The following VAX2 variants were observed in gnomAD, a reference collection of about 807,000 sequenced individuals.
VAX2 encodes the protein ventral anterior homeobox 2.
In VAX2, 8 loss-of-function variants were observed where a neutral mutation model predicts 12.5. That is an observed-to-expected ratio of 0.64 (90% CI 0.37 to 1.15). VAX2 has a LOEUF of 1.15. Among genes scored for constraint, VAX2 ranks in the 50% most tolerant of loss-of-function variants. The probability of loss-of-function intolerance (pLI) is 0.01; values close to 1 mark genes in which losing one functional copy is unlikely to be tolerated. For missense variants in VAX2, 476 were observed against 412.9 expected, an observed-to-expected ratio of 1.15 and a Z score of -1.32; for synonymous variants, 183 against 187.6, an observed-to-expected ratio of 0.98 and a Z score of 0.20.
chr2:70,900,902 A>G, intron 1 of VAX2, 34 bp downstream of exon 1: 1 of 1,320,228 alleles, frequency 7.6e-7, no homozygotes, highest in South Asian at 2.0e-5. Context: ...GCTCCACTGG[A>G]CCCTCACCCT....
intron 1 of VAX2, among the ~76,000 whole-genome samples, chr2:70,903,047 TGA>T (rs1678968869): frequency 6.6e-6 from 1 of 152,212 alleles, no homozygotes; most frequent in East Asian, 1.9e-4. Flanking sequence ...GCTCAGGATG[TGA>T]TTTGCCACTA....
chr2:70,905,440 C>T (rs1299105819), intron 1 of VAX2, among the ~76,000 whole-genome samples: 1 of 152,096 alleles, frequency 6.6e-6, no homozygotes, highest in African/African-American at 2.4e-5. Context: ...CGGGCCCTCT[C>T]ATTTGGGTCT....
chr2:70,921,336 C>A, intron 2 of VAX2, 51 bp downstream of exon 2: 1 of 1,504,102 alleles, frequency 6.6e-7, no homozygotes, highest in Non-Finnish European at 8.9e-7. Context: ...AGCCTGGGAA[C>A]TCCTGGGGAT....
At chr2:70,912,015 G>A (rs188563957) in intron 1 of VAX2, among the ~76,000 whole-genome samples, 30 of 152,020 alleles carry the variant, frequency 2.0e-4, no homozygotes, top group Middle Eastern at 3.4e-3. Context: ...GAGATAAATA[G>A]CTTTATTCCA....
In VAX2 at chr2:70,921,146, T is replaced by C. The variant is rs1679447595; in HGVS notation, c.296T>C (p.Leu99Pro). Residue 99 changes from leucine to proline, a missense_variant, in exon 2 of 3, where the codon CTG becomes CCG. Physicochemically the swap from Leu to Pro is moderately conservative, Grantham distance 98 (BLOSUM62 -3). Coordinates refer to ENST00000234392, the MANE Select transcript of VAX2 (RefSeq NM_012476.3). ...ATTGTCCTGCCTAAGGGCCTGGACC[T>C]GGACCGGCCCAAGCGGACACGTACA... ...REIVLPKGLD[L>P]DRPKRTRTSF... The C allele has an allele frequency of 6.2e-7, 1 of 1,612,790 alleles. No homozygotes were observed. Among genetic ancestry groups the C allele is most frequent in the Non-Finnish European group, 8.5e-7 (1 of 1,179,584 alleles).
In VAX2 at chr2:70,904,704, A is replaced by C. The variant is rs1287495314; in HGVS notation, c.247+3836A>C. Among the ~76,000 whole-genome samples, 3 of 152,230 alleles carry C rather than the reference A, an allele frequency of 2.0e-5. No individual in the cohort carries two copies. The highest frequency in any genetic ancestry group is 7.2e-5 in the African/African-American group (3 of 41,474). On this transcript the variant is annotated intron_variant, in intron 1 of 2. Transcript: ENST00000234392. The surrounding 1 kb of genome is among the most constrained non-coding windows in gnomAD (Gnocchi z 4.2). ...TCGCTGCAACCCCACCACCAGCAGCAAAAACGCTTTCACCCGGGAGCTGCA... is the reference window on the plus strand; with the variant it reads ...TCGCTGCAACCCCACCACCAGCAGCCAAAACGCTTTCACCCGGGAGCTGCA...
intron 2 of VAX2, among the ~76,000 whole-genome samples, chr2:70,929,011 G>A (rs1267765196): frequency 2.0e-5 from 3 of 152,208 alleles, no homozygotes; most frequent in Admixed American, 2.0e-4. Context: ...TGGCTAAGAG[G>A]TCAGGAAGCT....
chr2:70,906,724 C>T (rs1455954568), intron 1 of VAX2, among the ~76,000 whole-genome samples: 2 of 151,954 alleles, frequency 1.3e-5, no homozygotes, highest in Non-Finnish European at 2.9e-5. Context: ...AACATTAATG[C>T]GTACTCACTG....
intron 1 of VAX2, among the ~76,000 whole-genome samples, chr2:70,911,663 TA>T (rs2104765420): frequency 6.6e-6 from 1 of 152,346 alleles, no homozygotes; most frequent in African/African-American, 2.4e-5. Flanking sequence ...TCATTGCTGT[TA>T]TAACTTTCAT....
At chr2:70,909,454 C>T (rs947308047) in intron 1 of VAX2, among the ~76,000 whole-genome samples, 6 of 152,160 alleles carry the variant, frequency 3.9e-5, no homozygotes, top group South Asian at 2.1e-4. Context: ...CTCCCACCTG[C>T]GCCTCTCATA....
At chr2:70,907,448 G>A (rs183374043) in intron 1 of VAX2, among the ~76,000 whole-genome samples, 3 of 152,350 alleles carry the variant, frequency 2.0e-5, no homozygotes, top group Non-Finnish European at 4.4e-5. Flanking sequence ...CTGTGCCCCT[G>A]CCCCTGCCGG....
At chr2:70,905,822 G>A (rs3771396) in intron 1 of VAX2, among the ~76,000 whole-genome samples, 20,790 of 152,158 alleles carry the variant, frequency 0.14, 1,641 homozygotes, top group South Asian at 0.28. Context: ...GCATGCACCC[G>A]CAGTCAGTCA....
chr2:70,917,165 A>AAAAAG, intron 1 of VAX2, among the ~76,000 whole-genome samples: 1 of 149,032 alleles, frequency 6.7e-6, no homozygotes, highest in East Asian at 2.0e-4. Context: ...AAAAAAAAAA[A>AAAAAG]AAAAAAATCA....
At chr2:70,916,486 G>C (rs1355875046) in intron 1 of VAX2, among the ~76,000 whole-genome samples, 1 of 152,102 alleles carries the variant, frequency 6.6e-6, no homozygotes, top group African/African-American at 2.4e-5. Context: ...CAGTACTGTG[G>C]TGTCACCACA....
Position 70,919,251 on chromosome 2 carries a change from A to T in VAX2, c.248-1847A>T, listed in dbSNP as rs1374613932. On this transcript the variant is annotated intron_variant, in intron 1 of 2. Transcript: ENST00000234392. ...TCCACAAAAAAAAAAAAAAAAGAAT[A>T]AAAAAAAAAGACGGTGTTTCAAGAG... Among the ~76,000 whole-genome samples, 6 of 136,764 alleles carry T rather than the reference A, an allele frequency of 4.4e-5. No homozygotes were observed. In the South Asian group the frequency reaches 6.6e-4, roughly 15 times the overall value. 89.7% of individuals were successfully genotyped at this position (136,764 alleles called of 152,430 possible).
In VAX2 at chr2:70,900,875, G is replaced by C. The variant is rs1048534955; in HGVS notation, c.247+7G>C. The C allele has an allele frequency of 7.1e-6, 10 of 1,400,608 alleles. No homozygotes were observed. Among genetic ancestry groups the C allele is most frequent in the Non-Finnish European group, 8.4e-6 (9 of 1,073,212 alleles). The allele number at this position is 1,400,608 out of a possible 1,614,324, so 86.8% of individuals were successfully genotyped here. A position where few individuals can be genotyped will look rare whatever the true frequency, so the allele number is the denominator to read the frequency against. On this transcript the variant is annotated splice_region_variant and intron_variant, in intron 1 of 2. Coordinates refer to ENST00000234392, the MANE Select transcript of VAX2 (RefSeq NM_012476.3). ...CGCCGCATACTGGTGCGAGGTAAGG[G>C]GACAGCCCGCGGCCCTGCTCCACTG...
chr2:70,932,937 G>A lies in VAX2; in HGVS notation c.606G>A (p.Ala202=), dbSNP rs782471705. ...TGCCCAGGGCCCCTAGCCTCCTGGCGCTGACCCCTAGCCTGCCAGGCCTAC... is the reference window on the plus strand; with the variant it reads ...TGCCCAGGGCCCCTAGCCTCCTGGCACTGACCCCTAGCCTGCCAGGCCTAC... ...LSVPRAPSLL[A]LTPSLPGLPA... The change falls in exon 3 of 3, where the codon GCG becomes GCA. Residue 202 remains alanine, a synonymous_variant. Transcript: ENST00000234392. The A allele has an allele frequency of 3.1e-5, 50 of 1,612,904 alleles. No homozygotes were observed. The highest frequency in any genetic ancestry group is 4.1e-5 in the Non-Finnish European group (48 of 1,179,766).
In VAX2 at chr2:70,933,092, C is replaced by A. The variant is rs2234500; in HGVS notation, c.761C>A (p.Pro254Gln). The change falls in exon 3 of 3, where the codon CCG becomes CAG. Residue 254 changes from proline (P) to glutamine (Q), a missense_variant. Physicochemically the swap from Pro to Gln is moderately conservative, Grantham distance 76 (BLOSUM62 -1). Coordinates refer to ENST00000234392, the MANE Select transcript of VAX2 (RefSeq NM_012476.3). Reference sequence around the variant, plus strand: ...CCAGCTGTCTGCTTTTCCTCGGCCCCGCTCCTGGATCTGCCTGCCGGCTAC... The same window carrying A: ...CCAGCTGTCTGCTTTTCCTCGGCCCAGCTCCTGGATCTGCCTGCCGGCTAC... ...PLPAVCFSSA[P>Q]LLDLPAGYEL... The A allele has an allele frequency of 3.9e-5, 63 of 1,609,744 alleles. No individual in the cohort carries two copies. The highest frequency in any genetic ancestry group is 1.3e-4 in the Admixed American group (8 of 59,526).
chr2:70,900,777 C>A lies in VAX2; in HGVS notation c.156C>A (p.Ser52=). The change falls in exon 1 of 3, where the codon TCC becomes TCA. Residue 52 remains serine, a synonymous_variant. Transcript: ENST00000234392. ...CGGAGGTGGCCGGGACCTCAGCCTC[C>A]AGTCCCGCAGGCTCCAGGGAGAGTG... The part of the protein sequence containing the change: ...SPTEVAGTSA[S]SPAGSRESGA... 1.3e-6 allele frequency: 2 copies of A among 1,498,568 alleles called. No individual in the cohort carries two copies. The highest frequency in any genetic ancestry group is 1.8e-6 in the Non-Finnish European group (2 of 1,124,466). 92.8% of individuals were successfully genotyped at this position (1,498,568 alleles called of 1,614,324 possible).
Sources: allele counts gnomAD v4.1 joint callset (sites outside exome capture counted in the v4.1 genomes callset), GRCh38; gene constraint gnomAD v4.1.1; non-coding constraint Gnocchi (gnomAD v3.1); transcripts MANE v1.5; gene names NCBI Gene and HGNC (gene_info 2026-07-23, HGNC 2026-07-21).